Variants in RALGPS1 observed in about 807,000 individuals in gnomAD.
RALGPS1 encodes the protein ras-specific guanine nucleotide-releasing factor RalGPS1.
In RALGPS1, 19 loss-of-function variants were observed where a neutral mutation model predicts 78.8. The observed-to-expected ratio is 0.24, with a 90% CI of 0.17 to 0.35. The LOEUF (loss-of-function observed/expected upper bound fraction) is 0.35, where lower values mean the gene tolerates loss of function less well. RALGPS1 is among the 10% of genes least tolerant of loss of function. The pLI, the probability that RALGPS1 is intolerant of heterozygous loss-of-function variation, is 1.00. For synonymous variants in RALGPS1, 228 were observed against 256.3 expected (o/e 0.89, Z 1.06); for missense variants, 454 against 688.3 (o/e 0.66, Z 3.81).
At chr9:127,038,747 C>T (rs79050128) in intron 5 of RALGPS1, among the ~76,000 whole-genome samples, 172 of 152,180 alleles carry the variant, frequency 1.1e-3, no homozygotes, top group Non-Finnish European at 1.6e-3. Flanking sequence ...TGTGCTAGGA[C>T]GGGGAAACCA....
At chr9:127,193,366 G>A (rs1789475734) in intron 11 of RALGPS1, among the ~76,000 whole-genome samples, 1 of 152,174 alleles carries the variant, frequency 6.6e-6, no homozygotes, top group Non-Finnish European at 1.5e-5. Context: ...ATTTTGGAAT[G>A]TTATTGAGAA....
Position 127,218,653 on chromosome 9 carries a change from AAGGCC to A in RALGPS1, c.1645-86_1645-82del. On this transcript the variant is annotated intron_variant, in intron 18 of 18. Transcript: ENST00000259351. This position sits in a 1 kb window ranked among gnomAD's most constrained non-coding sequence, Gnocchi z 4.4. ...CTGCTCATTCCCAGACTCACGGGGA[AAGGCC>A]TGTCCCTTCCCCTAGGGACCACCAC... 1 of 1,367,212 alleles carries A rather than the reference AAGGCC, an allele frequency of 7.3e-7. No individual in the cohort carries two copies. The highest frequency in any genetic ancestry group is 1.0e-6 in the Non-Finnish European group (1 of 955,236). The allele number at this position is 1,367,212 out of a possible 1,614,324, so 84.7% of individuals were successfully genotyped here.
rs1000598688 is a variant in RALGPS1, at chr9:127,211,509, G to A, written c.1248-622G>A. Among the ~76,000 whole-genome samples, 1 of 152,192 alleles carries A rather than the reference G, an allele frequency of 6.6e-6. No homozygotes were observed. The highest frequency in any genetic ancestry group is 1.5e-5 in the Non-Finnish European group (1 of 68,022). On this transcript the variant is annotated intron_variant, in intron 14 of 18. Transcript: ENST00000259351. The surrounding 1 kb of genome is among the most constrained non-coding windows in gnomAD (Gnocchi z 5.0). ...CGCTTTCTGGCTGAAGCAGCCAGTA[G>A]GGGGTGGTGCCATTCCTGAGGCACC...
chr9:127,037,629 T>C (rs2046969892), intron 5 of RALGPS1, among the ~76,000 whole-genome samples: 1 of 152,244 alleles, frequency 6.6e-6, no homozygotes, highest in Admixed American at 6.5e-5. Context: ...AGGTTCTGCT[T>C]TCCTCTGAGC....
At chr9:127,155,690 A>G (rs1267293311) in intron 8 of RALGPS1, among the ~76,000 whole-genome samples, 2 of 152,196 alleles carry the variant, frequency 1.3e-5, no homozygotes. Flanking sequence ...TGGACTGGAA[A>G]TGGAGAGAGC....
At chr9:127,039,515 T>C (rs2047116643) in intron 5 of RALGPS1, among the ~76,000 whole-genome samples, 1 of 152,092 alleles carries the variant, frequency 6.6e-6, no homozygotes, top group African/African-American at 2.4e-5. Context: ...AAAAAAGTCC[T>C]GGGAGGTGGT....
chr9:127,021,754 G>A (rs1024384188), intron 4 of RALGPS1, among the ~76,000 whole-genome samples: 2 of 151,822 alleles, frequency 1.3e-5, no homozygotes, highest in Non-Finnish European at 2.9e-5. Context: ...ATGTGGCCCT[G>A]TGGGCCTAGT....
chr9:126,972,988 G>A (rs916380014), intron 3 of RALGPS1, among the ~76,000 whole-genome samples: 2 of 151,148 alleles, frequency 1.3e-5, no homozygotes, highest in African/African-American at 4.9e-5. Flanking sequence ...CTTGAACCCA[G>A]GAGGTGGAGG....
intron 4 of RALGPS1, among the ~76,000 whole-genome samples, chr9:127,023,757 TG>T (rs2045692425): frequency 6.6e-6 from 1 of 152,154 alleles, no homozygotes; most frequent in Non-Finnish European, 1.5e-5. Flanking sequence ...GAAACAGGGC[TG>T]GGCGCGGTGG....
chr9:127,168,402 C>A (rs766829807), intron 9 of RALGPS1, among the ~76,000 whole-genome samples: 1 of 152,140 alleles, frequency 6.6e-6, no homozygotes, highest in Non-Finnish European at 1.5e-5. Flanking sequence ...AGGTGCAGCT[C>A]CTCCTTCCTG....
intron 14 of RALGPS1, among the ~76,000 whole-genome samples, chr9:127,203,406 T>C (rs776982719): frequency 3.9e-5 from 6 of 152,316 alleles, no homozygotes; most frequent in Non-Finnish European, 7.3e-5. Flanking sequence ...ACAAAGTTGA[T>C]TACGAAACCC....
intron 5 of RALGPS1, among the ~76,000 whole-genome samples, chr9:127,042,039 G>T (rs1462907070): frequency 2.6e-5 from 4 of 152,322 alleles, no homozygotes; most frequent in African/African-American, 9.6e-5. Context: ...GGACTTAGGA[G>T]AAATTTGTGG....
chr9:127,131,857 G>A (rs1002680875), intron 8 of RALGPS1, among the ~76,000 whole-genome samples: 3 of 152,190 alleles, frequency 2.0e-5, no homozygotes, highest in African/African-American at 7.2e-5. Flanking sequence ...CCCATCCTAG[G>A]TCAGTGGTTC....
intron 8 of RALGPS1, among the ~76,000 whole-genome samples, chr9:127,131,033 C>T (rs554741599): frequency 3.9e-5 from 6 of 152,318 alleles, no homozygotes; most frequent in South Asian, 2.1e-4. Context: ...TATGTGCACT[C>T]GCCTCCATAA....
At chr9:126,948,965 C>A (rs554736877) in intron 1 of RALGPS1, among the ~76,000 whole-genome samples, 4 of 152,122 alleles carry the variant, frequency 2.6e-5, no homozygotes, top group African/African-American at 7.2e-5. Flanking sequence ...ATCCCTCCCC[C>A]CTACCCCCAC....
At chr9:127,020,840 G>A (rs908193529) in intron 4 of RALGPS1, among the ~76,000 whole-genome samples, 1 of 152,164 alleles carries the variant, frequency 6.6e-6, no homozygotes, top group South Asian at 2.1e-4. Flanking sequence ...ACACATATGA[G>A]GATTTGAGCA....
At chr9:127,018,534 G>T (rs1337422059) in intron 4 of RALGPS1, among the ~76,000 whole-genome samples, 3 of 151,962 alleles carry the variant, frequency 2.0e-5, no homozygotes, top group Non-Finnish European at 4.4e-5. Flanking sequence ...CTTGGAGGCT[G>T]AGGCACAAGA....
At chr9:126,932,858 T>C (rs1442522711) in intron 1 of RALGPS1, among the ~76,000 whole-genome samples, 1 of 152,194 alleles carries the variant, frequency 6.6e-6, no homozygotes, top group Non-Finnish European at 1.5e-5. Flanking sequence ...TCGTGAAGGA[T>C]CGTAAAGTTT....
intron 14 of RALGPS1, among the ~76,000 whole-genome samples, chr9:127,202,552 C>T (rs2061690696): frequency 6.6e-6 from 1 of 152,196 alleles, no homozygotes; most frequent in Non-Finnish European, 1.5e-5. Flanking sequence ...TTCTGCTCTT[C>T]ATCCTCCTGT....
Sources: allele counts gnomAD v4.1 joint callset (sites outside exome capture counted in the v4.1 genomes callset), GRCh38; gene constraint gnomAD v4.1.1; non-coding constraint Gnocchi (gnomAD v3.1); transcripts MANE v1.5; gene names NCBI Gene and HGNC (gene_info 2026-07-23, HGNC 2026-07-21).